CDKAL1: variants seen among roughly 807,000 people sequenced by gnomAD.
The protein encoded by CDKAL1 is CDKAL1 threonylcarbamoyladenosine tRNA methylthiotransferase.
In CDKAL1, 32 loss-of-function variants were observed where a neutral mutation model predicts 68.2. The observed-to-expected ratio is 0.47, with a 90% CI of 0.35 to 0.63. The LOEUF (loss-of-function observed/expected upper bound fraction) is 0.63, where lower values mean the gene tolerates loss of function less well. CDKAL1 is among the 30% of genes least tolerant of loss of function. The pLI is 0.00. For synonymous variants in CDKAL1, 234 were observed against 244.3 expected (o/e 0.96, Z 0.39); for missense variants, 606 against 696.7 (o/e 0.87, Z 1.47).
At chr6:20,905,251 C>T (rs1300144768) in intron 9 of CDKAL1, among the ~76,000 whole-genome samples, 1 of 152,066 alleles carries the variant, frequency 6.6e-6, no homozygotes, top group South Asian at 2.1e-4. Context: ...AGATAGACAA[C>T]CTATCAAGAA....
rs559027672 is a variant in CDKAL1 at position 20,881,387 on chromosome 6, T to C, written c.742+35209T>C. On this transcript the variant is annotated intron_variant, in intron 9 of 15. Coordinates refer to ENST00000274695, the MANE Select transcript of CDKAL1 (RefSeq NM_017774.3). ...ATATAATCATAGCATATATTTTGTATATGTGATATATAAATTGATAAACTT... is the reference window on the plus strand; with the variant it reads ...ATATAATCATAGCATATATTTTGTACATGTGATATATAAATTGATAAACTT... 8.6e-3 allele frequency among the ~76,000 whole-genome samples: 1,318 copies of C among 152,382 alleles called. 25 individuals are homozygous for C. The highest frequency in any genetic ancestry group is 0.03 in the African/African-American group (1,242 of 41,596).
intron 11 of CDKAL1, among the ~76,000 whole-genome samples, chr6:21,041,751 T>C (rs1769946101): frequency 6.6e-6 from 1 of 152,180 alleles, no homozygotes; most frequent in Non-Finnish European, 1.5e-5. Flanking sequence ...GACTTAATGC[T>C]TAGTATATCT....
intron 7 of CDKAL1, among the ~76,000 whole-genome samples, chr6:20,777,470 C>A (rs1185777126): frequency 3.9e-5 from 6 of 151,988 alleles, no homozygotes; most frequent in Non-Finnish European, 8.8e-5. Context: ...TAAAAAGTAA[C>A]TGGACGTGGT....
intron 13 of CDKAL1, among the ~76,000 whole-genome samples, chr6:21,166,872 C>T (rs879275663): frequency 3.3e-5 from 5 of 152,150 alleles, no homozygotes; most frequent in Non-Finnish European, 7.3e-5. Flanking sequence ...ACATCAGTGC[C>T]GGTCTCTTAA....
At chr6:21,024,287 T>C (rs1388865089) in intron 11 of CDKAL1, among the ~76,000 whole-genome samples, 1 of 152,164 alleles carries the variant, frequency 6.6e-6, no homozygotes, top group African/African-American at 2.4e-5. Flanking sequence ...ATTTATTTAT[T>C]TATACCCATG....
intron 4 of CDKAL1, among the ~76,000 whole-genome samples, chr6:20,576,583 A>G (rs1168711100): frequency 6.6e-6 from 1 of 152,224 alleles, no homozygotes; most frequent in African/African-American, 2.4e-5. Context: ...TTTATTCTGT[A>G]GCATTTTTAC....
At chr6:21,164,180 T>C (rs1345934808) in intron 13 of CDKAL1, among the ~76,000 whole-genome samples, 1 of 152,006 alleles carries the variant, frequency 6.6e-6, no homozygotes, top group Non-Finnish European at 1.5e-5. Context: ...ATTTAAAAGA[T>C]TTAAAATCAC....
In CDKAL1 at chr6:20,694,048, G is replaced by GTGTGTGTGTATA. The variant is rs1429261107; in HGVS notation, c.371+44680_371+44681insATATGTGTGTGT. On this transcript the variant is annotated intron_variant, in intron 5 of 15. Coordinates refer to ENST00000274695, the MANE Select transcript of CDKAL1 (RefSeq NM_017774.3). ...CTAACACACCCGGCTAACTTTGTGT[G>GTGTGTGTGTATA]TGTGTGTGTGTGTATGTGTGTGTGT... is the stretch of plus-strand genomic sequence containing the variant. Among the ~76,000 whole-genome samples, 485 of 85,110 alleles carry GTGTGTGTGTATA rather than the reference G, an allele frequency of 5.7e-3. 3 individuals are homozygous for GTGTGTGTGTATA. Among genetic ancestry groups the GTGTGTGTGTATA allele is most frequent in the African/African-American group, 0.024 (458 of 18,744 alleles). 55.8% of individuals were successfully genotyped at this position (85,110 alleles called of 152,430 possible). A position where few individuals can be genotyped will look rare whatever the true frequency, so the allele number is the denominator to read the frequency against.
intron 9 of CDKAL1, among the ~76,000 whole-genome samples, chr6:20,920,056 G>C (rs968011445): frequency 1.1e-4 from 17 of 152,174 alleles, no homozygotes; most frequent in Non-Finnish European, 2.4e-4. Flanking sequence ...ATTGGGGATT[G>C]TTCCTAGAAG....
At chr6:21,044,143 C>T (rs921132475) in intron 11 of CDKAL1, among the ~76,000 whole-genome samples, 2 of 151,882 alleles carry the variant, frequency 1.3e-5, no homozygotes, top group East Asian at 1.9e-4. Context: ...TTTTCTTTTT[C>T]CTCCCTGTGT....
intron 15 of CDKAL1, among the ~76,000 whole-genome samples, chr6:21,228,126 C>T (rs896484753): frequency 6.6e-6 from 1 of 152,170 alleles, no homozygotes; most frequent in East Asian, 1.9e-4. Context: ...GGTGGATTTT[C>T]CCTGAAGCTC....
intron 4 of CDKAL1, among the ~76,000 whole-genome samples, chr6:20,616,877 ACACACT>A (rs1766935124): frequency 6.6e-6 from 1 of 150,766 alleles, no homozygotes; most frequent in African/African-American, 2.5e-5. Context: ...ACACACACAC[ACACACT>A]ACAAAAATTA....
intron 9 of CDKAL1, among the ~76,000 whole-genome samples, chr6:20,903,683 A>G (rs1289601741): frequency 6.6e-6 from 1 of 152,252 alleles, no homozygotes; most frequent in Non-Finnish European, 1.5e-5. Context: ...TCCCTCTGGA[A>G]CAAATGAAAC....
chr6:21,182,782 G>A (rs1280987497), intron 13 of CDKAL1, among the ~76,000 whole-genome samples: 1 of 152,154 alleles, frequency 6.6e-6, no homozygotes, highest in East Asian at 1.9e-4. Context: ...CACTTTTAAT[G>A]AATCTTTCAC....
intron 10 of CDKAL1, among the ~76,000 whole-genome samples, chr6:20,992,206 A>ATG (rs754133487): frequency 0.063 from 9,210 of 146,034 alleles, 751 homozygotes; most frequent in African/African-American, 0.12. Flanking sequence ...TTATATATAT[A>ATG]TATATGTATT....
intron 9 of CDKAL1, among the ~76,000 whole-genome samples, chr6:20,941,732 A>G (rs1432824944): frequency 3.9e-5 from 6 of 152,194 alleles, no homozygotes; most frequent in Admixed American, 3.9e-4. Context: ...CTTACATTAT[A>G]TCTGGGTACA....
At chr6:21,196,124 C>G (rs769290836) in intron 13 of CDKAL1, among the ~76,000 whole-genome samples, 3 of 152,170 alleles carry the variant, frequency 2.0e-5, no homozygotes, top group Non-Finnish European at 4.4e-5. Flanking sequence ...TTACTCTCCA[C>G]GTTGATTCTA....
intron 11 of CDKAL1, among the ~76,000 whole-genome samples, chr6:21,046,299 G>A (rs934498454): frequency 6.6e-6 from 1 of 152,144 alleles, no homozygotes; most frequent in African/African-American, 2.4e-5. Context: ...GTAATATAGC[G>A]GCTTTGTTCT....
intron 11 of CDKAL1, among the ~76,000 whole-genome samples, chr6:21,053,599 G>A (rs1326668073): frequency 4.6e-5 from 7 of 151,968 alleles, no homozygotes; most frequent in East Asian, 3.9e-4. Flanking sequence ...GTATAAGTGC[G>A]TCAGTTTCTC....
Sources: gnomAD v4.1 joint callset for allele counts (sites outside exome capture counted in the v4.1 genomes callset) on GRCh38, gnomAD v4.1.1 for gene constraint, MANE v1.5 for transcripts, NCBI Gene and HGNC (gene_info 2026-07-23, HGNC 2026-07-21) for gene names.